ZNF98: variants seen among roughly 807,000 people sequenced by gnomAD.
ZNF98 encodes zinc finger protein 98.
In ZNF98, 8 loss-of-function variants were observed where a neutral mutation model predicts 12.8. That is an observed-to-expected ratio of 0.63 (90% confidence interval 0.37 to 1.13). The LOEUF is 1.13. Ranked by LOEUF, ZNF98 falls within the 50% of genes most tolerant of loss-of-function variation. The pLI is 0.01. For synonymous variants in ZNF98, 112 were observed against 223.5 expected (o/e 0.50, Z 4.45); for missense variants, 379 against 666.1 (o/e 0.57, Z 4.74).
chr19:22,397,977 T>C (rs1969416380), intron 3 of ZNF98, among the ~76,000 whole-genome samples: 1 of 151,666 alleles, frequency 6.6e-6, no homozygotes, highest in African/African-American at 2.4e-5. Context: ...CTCACATATA[T>C]GGTCACATGA....
intron 1 of ZNF98, among the ~76,000 whole-genome samples, chr19:22,414,743 A>C (rs1969621201): frequency 6.6e-6 from 1 of 152,208 alleles, no homozygotes; most frequent in African/African-American, 2.4e-5. Flanking sequence ...CTAAAGATAA[A>C]TTAAATATTT....
intron 1 of ZNF98, among the ~76,000 whole-genome samples, chr19:22,419,972 A>G (rs951949779): frequency 6.6e-6 from 1 of 152,014 alleles, no homozygotes; most frequent in African/African-American, 2.4e-5. Flanking sequence ...CCAGGCCAAC[A>G]TGGTGAAACC....
chr19:22,414,012 T>C (rs1168353815), intron 1 of ZNF98, among the ~76,000 whole-genome samples: 4 of 151,414 alleles, frequency 2.6e-5, no homozygotes, highest in Non-Finnish European at 5.9e-5. Context: ...CTGAAGCGGC[T>C]GGATCACAAG....
intron 1 of ZNF98, among the ~76,000 whole-genome samples, chr19:22,420,317 C>G (rs577457731): frequency 6.6e-6 from 1 of 152,166 alleles, no homozygotes; most frequent in Non-Finnish European, 1.5e-5. Flanking sequence ...GTGAGTGCCC[C>G]AAGTGTATTT....
At chr19:22,416,463 C>T (rs754482470) in intron 1 of ZNF98, among the ~76,000 whole-genome samples, 3 of 151,470 alleles carry the variant, frequency 2.0e-5, no homozygotes, top group Admixed American at 6.6e-5. Flanking sequence ...AGCAAGACTC[C>T]GTCTCAACAA....
intron 3 of ZNF98, among the ~76,000 whole-genome samples, chr19:22,397,558 T>C (rs1244121249): frequency 6.6e-6 from 1 of 151,172 alleles, no homozygotes; most frequent in Non-Finnish European, 1.5e-5. Context: ...ATTTTATAAA[T>C]TACTTTCTAT....
chr19:22,403,010 A>C (rs1444229244), intron 2 of ZNF98, 126 bp from the exon 3 acceptor site: 12 of 709,184 alleles, frequency 1.7e-5, no homozygotes, highest in Non-Finnish European at 2.3e-5. Flanking sequence ...ATACACAACA[A>C]AAAATTTTAA....
chr19:22,406,742 G>A (rs1969523741), intron 1 of ZNF98, among the ~76,000 whole-genome samples: 1 of 151,908 alleles, frequency 6.6e-6, no homozygotes, highest in Non-Finnish European at 1.5e-5. Context: ...ACGTGAACCT[G>A]GGAGGCAGAG....
chr19:22,407,249 G>T (rs753864705), intron 1 of ZNF98, among the ~76,000 whole-genome samples: 1 of 151,812 alleles, frequency 6.6e-6, no homozygotes, highest in South Asian at 2.1e-4. Flanking sequence ...TAGAGATAGG[G>T]TTTCATCTTG....
chr19:22,419,397 G>T (rs943449008), intron 1 of ZNF98, among the ~76,000 whole-genome samples: 1 of 152,070 alleles, frequency 6.6e-6, no homozygotes, highest in African/African-American at 2.4e-5. Context: ...ATGGCTGGGG[G>T]TGAGCAGGCT....
chr19:22,401,313 A>T (rs1459426864), intron 3 of ZNF98, among the ~76,000 whole-genome samples: 1 of 152,156 alleles, frequency 6.6e-6, no homozygotes, highest in East Asian at 1.9e-4. Context: ...TAAACAAACT[A>T]TCTGACAAAA....
chr19:22,414,889 T>G (rs768244909), intron 1 of ZNF98, among the ~76,000 whole-genome samples: 2 of 152,126 alleles, frequency 1.3e-5, no homozygotes, highest in Non-Finnish European at 2.9e-5. Flanking sequence ...TGGAACCTAA[T>G]TAAGCTAAAA....
intron 1 of ZNF98, among the ~76,000 whole-genome samples, chr19:22,411,451 T>C (rs899458557): frequency 2.0e-5 from 3 of 152,252 alleles, no homozygotes; most frequent in Non-Finnish European, 4.4e-5. Flanking sequence ...TATTGTTAAA[T>C]TTAATTCTAC....
rs555840244 is a variant in ZNF98, at chr19:22,409,065, C to A, written c.31-5553G>T. On this transcript the variant is annotated intron_variant, in intron 1 of 3. Transcript: ENST00000357774. ...TACTACAAGACTACAATAACCAAAACAACATGGTACTGGTCCAAAAACAGA... is the reference window on the plus strand; with the variant it reads ...TACTACAAGACTACAATAACCAAAAAAACATGGTACTGGTCCAAAAACAGA... Among the ~76,000 whole-genome samples, 3 of 152,286 alleles carry A rather than the reference C, an allele frequency of 2.0e-5. No homozygotes were observed. The South Asian group carries it at 6.2e-4, about 32-fold the overall frequency.
chr19:22,395,877 A>AC (rs1568290718), intron 3 of ZNF98, among the ~76,000 whole-genome samples: 5 of 48,996 alleles, frequency 1.0e-4, no homozygotes, highest in African/African-American at 4.1e-4. Flanking sequence ...GAGGGGGGGG[A>AC]AAAAAAAAAG....
chr19:22,415,748 T>C (rs1414862053), intron 1 of ZNF98, among the ~76,000 whole-genome samples: 3 of 151,800 alleles, frequency 2.0e-5, no homozygotes, highest in Non-Finnish European at 1.5e-5. Context: ...ATCATGCCAC[T>C]GCACTCCAGT....
chr19:22,417,501 T>C (rs535175381), intron 1 of ZNF98, among the ~76,000 whole-genome samples: 1 of 152,014 alleles, frequency 6.6e-6, no homozygotes, highest in Admixed American at 6.6e-5. Flanking sequence ...AATCTATGAG[T>C]GGGAAACAGT....
intron 1 of ZNF98, among the ~76,000 whole-genome samples, chr19:22,413,994 T>C (rs895324649): frequency 2.0e-5 from 3 of 150,934 alleles, no homozygotes; most frequent in Admixed American, 1.3e-4. Context: ...TCCCAACACT[T>C]TGGGAGGCTG....
At chr19:22,396,976 G>A (rs1337062191) in intron 3 of ZNF98, among the ~76,000 whole-genome samples, 2 of 151,848 alleles carry the variant, frequency 1.3e-5, no homozygotes, top group Non-Finnish European at 2.9e-5. Flanking sequence ...AAAATTAGCC[G>A]GGCATGGTGG....
Sources: allele counts gnomAD v4.1 joint callset (sites outside exome capture counted in the v4.1 genomes callset), GRCh38; gene constraint gnomAD v4.1.1; transcripts MANE v1.5; gene names NCBI Gene and HGNC (gene_info 2026-07-23, HGNC 2026-07-21).